The following PTPRG variants were observed in gnomAD, a reference collection of about 807,000 sequenced individuals.
The protein encoded by PTPRG is receptor-type tyrosine-protein phosphatase gamma.
A neutral mutation model predicts 165.3 loss-of-function variants in PTPRG; 102 were observed. The ratio of observed to expected loss-of-function variants is 0.62; its 90% CI spans 0.53 to 0.73. The LOEUF (loss-of-function observed/expected upper bound fraction) is 0.73. Among genes scored for constraint, PTPRG ranks in the 30% least tolerant of loss-of-function variants. The pLI is 0.00. For missense variants in PTPRG, 1,866 were observed against 1,861.4 expected, an observed-to-expected ratio of 1.00 and a Z score of -0.05; for synonymous variants, 675 against 669.5, an observed-to-expected ratio of 1.01 and a Z score of -0.13.
At chr3:61,758,111 G>A (rs970295245) in intron 2 of PTPRG, among the ~76,000 whole-genome samples, 1 of 151,974 alleles carries the variant, frequency 6.6e-6, no homozygotes, top group African/African-American at 2.4e-5. Flanking sequence ...TGTCACCCAG[G>A]CTGAAGTGCC....
intron 4 of PTPRG, among the ~76,000 whole-genome samples, chr3:62,026,622 C>T (rs146058879): frequency 0.011 from 1,626 of 152,224 alleles, 23 homozygotes; most frequent in African/African-American, 0.037. Flanking sequence ...CACGGTGGCT[C>T]ACGCCTGTAA....
Position 62,294,286 on chromosome 3 carries a change from T to C in PTPRG, c.*979T>C, listed in dbSNP as rs775693357. On this transcript the variant is annotated 3_prime_UTR_variant, in exon 30 of 30. Transcript: ENST00000474889. Reference sequence around the variant, plus strand: ...ACTCCTATAGCAATCTAATAAAAACTACCTACATAGTTACTGTTTTCTTTC... The same window carrying C: ...ACTCCTATAGCAATCTAATAAAAACCACCTACATAGTTACTGTTTTCTTTC... The C allele has an allele frequency of 3.9e-5, 6 of 152,136 alleles. No homozygotes were observed. Among genetic ancestry groups the C allele is most frequent in the Non-Finnish European group, 7.4e-5 (5 of 68,010 alleles). The allele number at this position is 152,136 out of a possible 1,614,324, so 9.4% of individuals were successfully genotyped here. A position where few individuals can be genotyped will look rare whatever the true frequency, so the allele number is the denominator to read the frequency against.
At position 62,240,254 on chromosome 3, in the gene PTPRG, G is replaced by A. The variant is rs1055883752; in HGVS notation, c.2376-3553G>A. 2.0e-5 allele frequency among the ~76,000 whole-genome samples: 3 copies of A among 152,096 alleles called. No homozygotes were observed. The highest frequency in any genetic ancestry group is 4.1e-4 in the South Asian group (2 of 4,826). On this transcript the variant is annotated intron_variant, in intron 14 of 29. Coordinates refer to ENST00000474889, the MANE Select transcript of PTPRG (RefSeq NM_002841.4). The surrounding 1 kb of genome is among the most constrained non-coding windows in gnomAD (Gnocchi z 5.1). Reference sequence around the variant, plus strand: ...GGCACGAGAGGCGTGAGAATCGCCCGAACCTGGGAGGCGGAGGTTGCAGTG... The same window carrying A: ...GGCACGAGAGGCGTGAGAATCGCCCAAACCTGGGAGGCGGAGGTTGCAGTG...
intron 12 of PTPRG, among the ~76,000 whole-genome samples, chr3:62,204,593 G>C (rs1029434657): frequency 1.3e-5 from 2 of 152,232 alleles, no homozygotes; most frequent in Non-Finnish European, 2.9e-5. Flanking sequence ...GAGAATTATG[G>C]AGAGGATAGG....
At chr3:62,185,499 C>A (rs571698957) in intron 8 of PTPRG, among the ~76,000 whole-genome samples, 1 of 152,202 alleles carries the variant, frequency 6.6e-6, no homozygotes, top group South Asian at 2.1e-4. Context: ...TCATTTTAGA[C>A]CAGTAGAAAA....
intron 2 of PTPRG, among the ~76,000 whole-genome samples, chr3:61,949,495 T>C (rs1054105102): frequency 2.0e-5 from 3 of 152,180 alleles, no homozygotes; most frequent in Admixed American, 2.0e-4. Flanking sequence ...TAGCGTTTAC[T>C]ATGTGCCACA....
chr3:61,613,111 C>G (rs1701218813), intron 1 of PTPRG, among the ~76,000 whole-genome samples: 1 of 152,180 alleles, frequency 6.6e-6, no homozygotes, highest in Non-Finnish European at 1.5e-5. Context: ...GGAAATCACA[C>G]CCTTTAGACT....
intron 2 of PTPRG, among the ~76,000 whole-genome samples, chr3:61,839,556 G>C (rs1241500251): frequency 6.6e-6 from 1 of 152,016 alleles, no homozygotes; most frequent in Admixed American, 6.6e-5. Context: ...GTCAGAGTTG[G>C]GACTTGAACT....
chr3:62,140,626 CA>C (rs1180070722), intron 6 of PTPRG, among the ~76,000 whole-genome samples: 1 of 152,066 alleles, frequency 6.6e-6, no homozygotes, highest in African/African-American at 2.4e-5. Context: ...GTGGGCAGAT[CA>C]CCTGAGGTCA....
intron 8 of PTPRG, among the ~76,000 whole-genome samples, chr3:62,168,391 C>G (rs934502178): frequency 6.6e-6 from 1 of 152,146 alleles, no homozygotes; most frequent in Admixed American, 6.5e-5. Context: ...ATAATTCTGT[C>G]TGCATTTCTG....
intron 2 of PTPRG, among the ~76,000 whole-genome samples, chr3:61,983,955 C>A (rs914528304): frequency 6.6e-6 from 1 of 152,066 alleles, no homozygotes; most frequent in Non-Finnish European, 1.5e-5. Flanking sequence ...TATGTGTCGA[C>A]CAAGTTCTTT....
intron 2 of PTPRG, among the ~76,000 whole-genome samples, chr3:61,806,891 A>G (rs1034549941): frequency 3.2e-4 from 49 of 152,334 alleles, no homozygotes; most frequent in Admixed American, 2.8e-3. Context: ...TCTAAGTTCT[A>G]TTAAATTTTA....
chr3:61,727,357 G>A (rs971247035), intron 1 of PTPRG, among the ~76,000 whole-genome samples: 1 of 151,970 alleles, frequency 6.6e-6, no homozygotes, highest in African/African-American at 2.4e-5. Flanking sequence ...GGTTTTGGAC[G>A]GTTGGCCAGG....
rs183130986 is a variant in PTPRG, at chr3:61,831,350, G to A, written c.190+82368G>A. 2.6e-4 allele frequency among the ~76,000 whole-genome samples: 40 copies of A among 152,330 alleles called. No homozygotes were observed. The East Asian group carries it at 5.2e-3, about 20-fold the overall frequency. On this transcript the variant is annotated intron_variant, in intron 2 of 29. Transcript: ENST00000474889. Reference sequence around the variant, plus strand: ...AGCAGTTAAGAAAGGAAGCAGTTGAGTGAATAATTTTGTCATTTGACTTGC... The same window carrying A: ...AGCAGTTAAGAAAGGAAGCAGTTGAATGAATAATTTTGTCATTTGACTTGC...
At position 62,269,288 on chromosome 3, in the gene PTPRG, C is replaced by T. The variant is rs1489800075; in HGVS notation, c.3009+119C>T. 2.9e-6 allele frequency: 3 copies of T among 1,046,910 alleles called. No homozygotes were observed. In the African/African-American group the frequency reaches 4.8e-5, roughly 17 times the overall value. 64.9% of individuals were successfully genotyped at this position (1,046,910 alleles called of 1,614,324 possible). On this transcript the variant is annotated intron_variant, in intron 20 of 29. Coordinates refer to ENST00000474889, the MANE Select transcript of PTPRG (RefSeq NM_002841.4). ...TGGTTTTTAAAAAGTATTTTTAAAACATTTTTTCATAACTCTTTTGATTGA... is the reference window on the plus strand; with the variant it reads ...TGGTTTTTAAAAAGTATTTTTAAAATATTTTTTCATAACTCTTTTGATTGA...
At chr3:61,845,098 G>C (rs558853896) in intron 2 of PTPRG, among the ~76,000 whole-genome samples, 6 of 152,026 alleles carry the variant, frequency 3.9e-5, no homozygotes, top group Non-Finnish European at 7.4e-5. Flanking sequence ...CTTTCTTTTG[G>C]GTTTGTCACA....
chr3:62,002,266 C>G (rs550064028), intron 3 of PTPRG, among the ~76,000 whole-genome samples: 4 of 152,256 alleles, frequency 2.6e-5, no homozygotes, highest in South Asian at 4.1e-4. Flanking sequence ...TGCAGGATTT[C>G]TCGCTAAAGC....
chr3:62,136,905 G>A (rs931128758), intron 6 of PTPRG, among the ~76,000 whole-genome samples: 51 of 152,222 alleles, frequency 3.4e-4, no homozygotes, highest in African/African-American at 1.1e-3. Flanking sequence ...GACTAATACA[G>A]TAACATTGCT....
chr3:61,976,596 C>G (rs1045511803), intron 2 of PTPRG, among the ~76,000 whole-genome samples: 1 of 151,972 alleles, frequency 6.6e-6, no homozygotes, highest in Non-Finnish European at 1.5e-5. Flanking sequence ...AATAAATTGT[C>G]TCATTTTTAG....
Sources: gnomAD v4.1 joint callset for allele counts (sites outside exome capture counted in the v4.1 genomes callset) on GRCh38, gnomAD v4.1.1 for gene constraint, Gnocchi (gnomAD v3.1) non-coding constraint, MANE v1.5 for transcripts, NCBI Gene and HGNC (gene_info 2026-07-23, HGNC 2026-07-21) for gene names.